WDSUB1: variants seen among roughly 807,000 people sequenced by gnomAD.
WDSUB1 encodes the protein WD repeat, SAM and U-box domain-containing protein 1.
WDSUB1 carries 49 observed loss-of-function variants against 53.9 expected under a neutral mutation model. The observed-to-expected ratio is 0.91, with a 90% CI of 0.72 to 1.15. The LOEUF is 1.15. Among genes scored for constraint, WDSUB1 ranks in the 50% most tolerant of loss-of-function variants. WDSUB1 has a pLI of 0.00. For missense variants in WDSUB1, 514 were observed against 562.0 expected (o/e 0.91, Z 0.86); for synonymous variants, 194 against 200.6 (o/e 0.97, Z 0.28).
intron 5 of WDSUB1, among the ~76,000 whole-genome samples, chr2:159,271,228 C>G (rs544596301): frequency 1.3e-5 from 2 of 152,128 alleles, no homozygotes; most frequent in Admixed American, 1.3e-4. Context: ...AATGCATGAA[C>G]ATGTACACCA....
intron 10 of WDSUB1, among the ~76,000 whole-genome samples, chr2:159,246,198 C>T (rs931358677): frequency 2.0e-5 from 3 of 152,106 alleles, no homozygotes; most frequent in African/African-American, 7.2e-5. Context: ...TTTGGGAGCC[C>T]AAGGCAGGTG....
At chr2:159,240,463 C>T (rs1035058144) in intron 10 of WDSUB1, among the ~76,000 whole-genome samples, 3 of 152,198 alleles carry the variant, frequency 2.0e-5, no homozygotes, top group Non-Finnish European at 4.4e-5. Context: ...GTTCCATTTT[C>T]TGCACATCCT....
chr2:159,247,747 C>G (rs1423864979), intron 10 of WDSUB1, among the ~76,000 whole-genome samples: 1 of 150,736 alleles, frequency 6.6e-6, no homozygotes, highest in Non-Finnish European at 1.5e-5. Flanking sequence ...TACACACCAA[C>G]TAACAGAAAA....
intron 10 of WDSUB1, among the ~76,000 whole-genome samples, chr2:159,245,374 T>TAA (rs573940331): frequency 6.7e-6 from 1 of 150,214 alleles, no homozygotes; most frequent in Non-Finnish European, 1.5e-5. Context: ...CTAAAAATAA[T>TAA]AAAAAAAAAT....
intron 3 of WDSUB1, among the ~76,000 whole-genome samples, chr2:159,276,241 T>C (rs1336816039): frequency 1.3e-5 from 2 of 152,148 alleles, no homozygotes; most frequent in Admixed American, 6.5e-5. Flanking sequence ...TCTGTGTTTT[T>C]AGTAGAGACG....
chr2:159,271,031 T>C (rs193044930), intron 5 of WDSUB1, among the ~76,000 whole-genome samples: 16 of 152,264 alleles, frequency 1.1e-4, no homozygotes, highest in Middle Eastern at 3.4e-3. Context: ...AAGGCAACAC[T>C]ACACACTCAT....
rs778914393 is a variant in WDSUB1 at position 159,275,589 on chromosome 2, A to G, written c.633T>C (p.Asp211=). The change falls in exon 4 of 11, where the codon GAT becomes GAC. Residue 211 remains aspartate, a synonymous_variant. Coordinates refer to ENST00000359774, the MANE Select transcript of WDSUB1 (RefSeq NM_001128212.3). ...AAACAATCCAAATTTTGACTTGGCA[A>G]TCCTGACCACATGATGCCAGTCGAA... ...QFFRLASCGQ[D]CQVKIWIVSF... is the part of the protein sequence containing the mutation. The G allele has an allele frequency of 1.8e-5, 29 of 1,609,032 alleles. No individual in the cohort carries two copies. Among genetic ancestry groups the G allele is most frequent in the South Asian group, 3.4e-5 (3 of 89,550 alleles).
chr2:159,261,021 G>A (rs1410886712), intron 5 of WDSUB1, among the ~76,000 whole-genome samples: 1 of 152,110 alleles, frequency 6.6e-6, no homozygotes, highest in East Asian at 1.9e-4. Context: ...TACTTTAAAA[G>A]TTCAAAGATA....
At chr2:159,262,770 CA>C (rs2061254122) in intron 5 of WDSUB1, among the ~76,000 whole-genome samples, 1 of 152,092 alleles carries the variant, frequency 6.6e-6, no homozygotes, top group South Asian at 2.1e-4. Flanking sequence ...TACATAGACA[CA>C]AAATAGTTTG....
chr2:159,246,985 A>G (rs1233242340), intron 10 of WDSUB1, among the ~76,000 whole-genome samples: 2 of 152,200 alleles, frequency 1.3e-5, no homozygotes, highest in Non-Finnish European at 2.9e-5. Context: ...GAAAAAAAGC[A>G]CACTGAACAT....
At chr2:159,286,531 C>CCCACCTGCCG (rs1256339228) in intron 1 of WDSUB1, 52 bp downstream of exon 1, 3 of 152,124 alleles carry the variant, frequency 2.0e-5, no homozygotes, top group African/African-American at 7.2e-5. Flanking sequence ...GCCGCGCTTC[C>CCCACCTGCCG]CCACCTGCCG....
At chr2:159,278,531 T>C (rs1366811712) in intron 3 of WDSUB1, among the ~76,000 whole-genome samples, 1 of 151,858 alleles carries the variant, frequency 6.6e-6, no homozygotes, top group Non-Finnish European at 1.5e-5. Flanking sequence ...AAATAAAGCA[T>C]GCAAAAAAAA....
intron 9 of WDSUB1, among the ~76,000 whole-genome samples, chr2:159,250,703 TCTAAG>T (rs1294756153): frequency 1.3e-5 from 2 of 152,196 alleles, no homozygotes; most frequent in African/African-American, 4.8e-5. Flanking sequence ...GATCATGTAT[TCTAAG>T]CTAAGTAAGG....
chr2:159,241,590 T>C (rs1438427308), intron 10 of WDSUB1, among the ~76,000 whole-genome samples: 1 of 147,762 alleles, frequency 6.8e-6, no homozygotes, highest in East Asian at 2.1e-4. Context: ...ACAGCTAAAT[T>C]GGCAAAAATG....
chr2:159,275,622 A>ATCTAAATTTT lies in WDSUB1; in HGVS notation c.599_600insAAAATTTAGA (p.Gln201LysfsTer31), dbSNP rs780776135. On this transcript the variant is annotated frameshift_variant, in exon 4 of 11. Coordinates refer to ENST00000359774, the MANE Select transcript of WDSUB1 (RefSeq NM_001128212.3). LOFTEE classifies it high-confidence loss of function. ...CACATGATGCCAGTCGAAAAAACTG[A>ATCTAAATTTT]AGACCTTGTTCTCCATCTAAAATTT... The ATCTAAATTTT allele has an allele frequency of 3.1e-6, 5 of 1,602,290 alleles. No individual in the cohort carries two copies. In the African/African-American group the frequency reaches 6.8e-5, roughly 22 times the overall value.
At chr2:159,264,910 C>G (rs967097758) in intron 5 of WDSUB1, among the ~76,000 whole-genome samples, 1 of 151,908 alleles carries the variant, frequency 6.6e-6, no homozygotes, top group African/African-American at 2.4e-5. Context: ...ATGGTGAAAC[C>G]CTGTCTCTAC....
intron 9 of WDSUB1, among the ~76,000 whole-genome samples, chr2:159,255,113 G>C (rs1013171358): frequency 3.9e-5 from 6 of 152,134 alleles, no homozygotes; most frequent in African/African-American, 1.2e-4. Flanking sequence ...CTGGGCAACA[G>C]AGTGAGACCC....
intron 5 of WDSUB1, among the ~76,000 whole-genome samples, chr2:159,265,123 C>CAA (rs144543167): frequency 1.4e-5 from 2 of 146,370 alleles, no homozygotes; most frequent in African/African-American, 5.1e-5. Context: ...ACAACAACAA[C>CAA]AAAAAAAAAC....
At chr2:159,281,609 C>T (rs1381225562) in intron 2 of WDSUB1, among the ~76,000 whole-genome samples, 1 of 152,200 alleles carries the variant, frequency 6.6e-6, no homozygotes, top group Non-Finnish European at 1.5e-5. Context: ...CTTGGTCATT[C>T]ATCCAGCAAG....
Sources: gnomAD v4.1 joint callset for allele counts (sites outside exome capture counted in the v4.1 genomes callset) on GRCh38, gnomAD v4.1.1 for gene constraint, MANE v1.5 for transcripts, NCBI Gene and HGNC (gene_info 2026-07-23, HGNC 2026-07-21) for gene names.